EPB41L1: variants seen among roughly 807,000 people sequenced by gnomAD.
The protein encoded by EPB41L1 is band 4.1-like protein 1.
Under a neutral mutation model 97.8 loss-of-function variants are expected in EPB41L1, and 29 were observed. The observed-to-expected ratio is 0.30, with a 90% CI of 0.22 to 0.40. The LOEUF is 0.40. EPB41L1 is among the 10% of genes least tolerant of loss of function. The pLI is 1.00. For missense variants in EPB41L1, 812 were observed against 1,162.3 expected (o/e 0.70, Z 4.38); for synonymous variants, 383 against 459.2 (o/e 0.83, Z 2.12).
In EPB41L1 at chr20:36,207,575, C is replaced by T. The variant is rs1238515673; in HGVS notation, c.1669-1913C>T. On this transcript the variant is annotated intron_variant, in intron 14 of 21. Transcript: ENST00000338074. The surrounding 1 kb of genome is among the most constrained non-coding windows in gnomAD (Gnocchi z 4.9). Reference sequence around the variant, plus strand: ...GGACAAGCAGAGCAGCAGCGGAGTACGCTCTCAGACCTGGGCTTCGCCCAA... The same window carrying T: ...GGACAAGCAGAGCAGCAGCGGAGTATGCTCTCAGACCTGGGCTTCGCCCAA... 8 of 1,289,826 alleles carry T rather than the reference C, an allele frequency of 6.2e-6. No individual in the cohort carries two copies. In the Admixed American group the frequency reaches 9.2e-5, roughly 15 times the overall value. 79.9% of individuals were successfully genotyped at this position (1,289,826 alleles called of 1,614,324 possible).
chr20:36,156,175 T>C (rs1487963481), intron 1 of EPB41L1, among the ~76,000 whole-genome samples: 1 of 152,204 alleles, frequency 6.6e-6, no homozygotes, highest in East Asian at 1.9e-4. Context: ...AGGATGGAGC[T>C]GGCTTCTCCT....
chr20:36,136,057 T>C (rs1310299970), intron 2 of EPB41L1, among the ~76,000 whole-genome samples: 1 of 152,218 alleles, frequency 6.6e-6, no homozygotes, highest in Non-Finnish European at 1.5e-5. Context: ...CAGTTCCCCC[T>C]ATTTCTTTGG....
Position 36,197,637 on chromosome 20 carries a change from T to C in EPB41L1, c.1486-222T>C, listed in dbSNP as rs2062273303. 3.0e-6 allele frequency: 3 copies of C among 985,242 alleles called. No homozygotes were observed. In the South Asian group the frequency reaches 1.4e-4, roughly 46 times the overall value. 61.0% of individuals were successfully genotyped at this position (985,242 alleles called of 1,614,324 possible). On this transcript the variant is annotated intron_variant, in intron 13 of 21. Transcript: ENST00000338074. Reference sequence around the variant, plus strand: ...AGGTGGCTTGACTAGACATCTCCTCTTTTTCATCTTCAGTGCTCTGTGCCT... The same window carrying C: ...AGGTGGCTTGACTAGACATCTCCTCCTTTTCATCTTCAGTGCTCTGTGCCT...
chr20:36,205,781 A>G, intron 14 of EPB41L1: 1 of 1,228,972 alleles, frequency 8.1e-7, no homozygotes, highest in Non-Finnish European at 1.0e-6. Flanking sequence ...TTACAAAGGG[A>G]AAAACTCACC....
chr20:36,177,871 G>A (rs1260045148), intron 3 of EPB41L1, 81 bp from the exon 4 acceptor site: 4 of 1,158,956 alleles, frequency 3.5e-6, no homozygotes, highest in Middle Eastern at 2.0e-4. Flanking sequence ...TTTTTGAATT[G>A]TCCTGGTGGA....
chr20:36,175,298 T>C (rs931126202), intron 2 of EPB41L1, among the ~76,000 whole-genome samples: 2 of 152,192 alleles, frequency 1.3e-5, no homozygotes, highest in Non-Finnish European at 2.9e-5. Context: ...CCTCAGAGGA[T>C]GCCTATGGCA....
At chr20:36,113,112 C>T (rs982647453) in intron 2 of EPB41L1, among the ~76,000 whole-genome samples, 1 of 152,180 alleles carries the variant, frequency 6.6e-6, no homozygotes, top group Non-Finnish European at 1.5e-5. Flanking sequence ...CCAGACAATG[C>T]AACTGACCTT....
intron 2 of EPB41L1, among the ~76,000 whole-genome samples, chr20:36,129,390 C>G (rs2059103488): frequency 6.6e-6 from 1 of 152,048 alleles, no homozygotes; most frequent in Admixed American, 6.5e-5. Flanking sequence ...AAATACTGCT[C>G]CTGGAGCCAC....
intron 2 of EPB41L1, among the ~76,000 whole-genome samples, chr20:36,146,723 A>G (rs1309580602): frequency 6.6e-6 from 1 of 152,112 alleles, no homozygotes; most frequent in East Asian, 1.9e-4. Context: ...TGGGCTGGGA[A>G]TGTGAGTGCA....
rs770616921 is a variant in EPB41L1, at chr20:36,218,802, TG to T, written c.2269-72del. 1.9e-3 allele frequency: 2,593 copies of T among 1,355,700 alleles called. 5 individuals are homozygous for T. Among genetic ancestry groups the T allele is most frequent in the Non-Finnish European group, 2.5e-3 (2,418 of 951,012 alleles). The allele number at this position is 1,355,700 out of a possible 1,614,324, so 84.0% of individuals were successfully genotyped here. A position where few individuals can be genotyped will look rare whatever the true frequency, so the allele number is the denominator to read the frequency against. On this transcript the variant is annotated intron_variant, in intron 17 of 21. Coordinates refer to ENST00000338074, the MANE Select transcript of EPB41L1 (RefSeq NM_012156.2). ...CAACCTTGTGGTCGTGATAGCTACA[TG>T]GCCACATGCTCCGCCCATCCTGGGG... is the stretch of plus-strand genomic sequence containing the variant.
At chr20:36,164,889 T>C (rs2060674167) in intron 1 of EPB41L1, among the ~76,000 whole-genome samples, 1 of 152,144 alleles carries the variant, frequency 6.6e-6, no homozygotes, top group Admixed American at 6.5e-5. Context: ...TTTCACGATA[T>C]TGGTTAGGCT....
Position 36,093,688 on chromosome 20 carries a change from C to CGTGT in EPB41L1, c.-65+2089_-65+2092dup, listed in dbSNP as rs142640473. Among the ~76,000 whole-genome samples, 1 of 146,692 alleles carries CGTGT rather than the reference C, an allele frequency of 6.8e-6. No individual in the cohort carries two copies. Among genetic ancestry groups the CGTGT allele is most frequent in the Non-Finnish European group, 1.5e-5 (1 of 66,658 alleles). The stretch of plus-strand genomic sequence containing the variant: ...TGAAGCCCGTGTGCGTGCGTGCGTG[C>CGTGT]GTGTGTGTGTGTGTGTATGTGTATG... On this transcript the variant is annotated intron_variant, in intron 1 of 19. Coordinates refer to the EPB41L1 transcript ENST00000202028. This position sits in a 1 kb window ranked among gnomAD's most constrained non-coding sequence, Gnocchi z 5.4.
intron 2 of EPB41L1, among the ~76,000 whole-genome samples, chr20:36,147,891 T>C (rs959399929): frequency 6.6e-6 from 1 of 152,164 alleles, no homozygotes; most frequent in African/African-American, 2.4e-5. Context: ...GACATCTGTA[T>C]CTAGTGGGTA....
chr20:36,103,615 T>C (rs2058091702), intron 1 of EPB41L1, among the ~76,000 whole-genome samples: 1 of 152,156 alleles, frequency 6.6e-6, no homozygotes, highest in Admixed American at 6.5e-5. Flanking sequence ...AAAATGCTGA[T>C]AAAAGCATTG....
chr20:36,221,919 G>C lies in EPB41L1; in HGVS notation c.2495G>C (p.Gly832Ala). 1 of 1,614,178 alleles carries C rather than the reference G, an allele frequency of 6.2e-7. No homozygotes were observed. The highest frequency in any genetic ancestry group is 1.1e-5 in the South Asian group (1 of 91,080). ...TRIEKRIIITGDEDVDQDQAL... is the reference protein window; with the variant it reads ...TRIEKRIIITADEDVDQDQAL... ...ATCGAGAAGCGAATCATCATTACTG[G>C]GGATGAAGATGTCGATCAAGACCAG... The change falls in exon 20 of 22, where the codon GGG becomes GCG. Residue 832 changes from glycine to alanine, a missense_variant. Around this residue, in one of 3 missense-constraint regions of EPB41L1, gnomAD observed 498 missense variants for 622.7 expected, o/e 0.80. Coordinates refer to ENST00000338074, the MANE Select transcript of EPB41L1 (RefSeq NM_012156.2).
intron 2 of EPB41L1, among the ~76,000 whole-genome samples, chr20:36,125,948 C>T (rs543182156): frequency 2.0e-5 from 3 of 150,184 alleles, no homozygotes; most frequent in South Asian, 2.1e-4. Flanking sequence ...AGTGTGGGGC[C>T]GATGGGTCTT....
chr20:36,222,464 T>C, intron 21 of EPB41L1, 70 bp downstream of exon 21: 2 of 1,275,870 alleles, frequency 1.6e-6, no homozygotes, highest in Non-Finnish European at 2.3e-6. Flanking sequence ...TGAGGGCCAT[T>C]TCCATCTGAG....
At chr20:36,179,094 A>G (rs575729629) in intron 5 of EPB41L1, among the ~76,000 whole-genome samples, 9 of 152,102 alleles carry the variant, frequency 5.9e-5, no homozygotes, top group East Asian at 1.9e-4. Flanking sequence ...AAAAAAAAAA[A>G]AAAGAAAGAA....
intron 2 of EPB41L1, among the ~76,000 whole-genome samples, chr20:36,134,618 C>G (rs1470577552): frequency 2.6e-5 from 4 of 152,132 alleles, no homozygotes; most frequent in African/African-American, 7.2e-5. Context: ...ACAACTTACC[C>G]AGGCCATGGA....
Sources: allele counts gnomAD v4.1 joint callset (sites outside exome capture counted in the v4.1 genomes callset), GRCh38; gene constraint gnomAD v4.1.1; regional missense constraint gnomAD v4.1.1; non-coding constraint Gnocchi (gnomAD v3.1); transcripts MANE v1.5; gene names NCBI Gene and HGNC (gene_info 2026-07-23, HGNC 2026-07-21).